Variants in SLIT1 observed in about 807,000 individuals in gnomAD.
SLIT1 encodes slit homolog 1 protein.
Under a neutral mutation model 186.1 loss-of-function variants are expected in SLIT1, and 66 were observed. That is an observed-to-expected ratio of 0.35 (90% CI 0.29 to 0.44). The LOEUF (loss-of-function observed/expected upper bound fraction) is 0.44, where lower values mean the gene tolerates loss of function less well. SLIT1 is among the 20% of genes least tolerant of loss of function. The pLI, the probability that SLIT1 is intolerant of heterozygous loss-of-function variation, is 1.00. For missense variants in SLIT1, 1,638 were observed against 2,037.4 expected, an observed-to-expected ratio of 0.80 and a Z score of 3.77; for synonymous variants, 761 against 833.8, an observed-to-expected ratio of 0.91 and a Z score of 1.50.
chr10:97,043,588 G>T lies in SLIT1; in HGVS notation c.1854-75C>A. 1 of 1,382,902 alleles carries T rather than the reference G, an allele frequency of 7.2e-7. No individual in the cohort carries two copies. The highest frequency in any genetic ancestry group is 1.0e-6 in the Non-Finnish European group (1 of 989,908). The allele number at this position is 1,382,902 out of a possible 1,614,324, so 85.7% of individuals were successfully genotyped here. A position where few individuals can be genotyped will look rare whatever the true frequency, so the allele number is the denominator to read the frequency against. On this transcript the variant is annotated intron_variant, in intron 18 of 36. Transcript: ENST00000266058. The surrounding 1 kb of genome is among the most constrained non-coding windows in gnomAD (Gnocchi z 7.0). ...CATCCACCTGGGCCACGCAGCTTCC[G>T]CCATCGTGGCTCGTTCACAGTTCTC...
intron 4 of SLIT1, among the ~76,000 whole-genome samples, chr10:97,138,050 T>A (rs1219995128): frequency 1.3e-5 from 2 of 152,224 alleles, no homozygotes; most frequent in Non-Finnish European, 2.9e-5. Flanking sequence ...CAGTTGATCC[T>A]TGAACAACAT....
intron 4 of SLIT1, among the ~76,000 whole-genome samples, chr10:97,085,146 A>G (rs948123558): frequency 4.6e-5 from 7 of 151,412 alleles, no homozygotes; most frequent in African/African-American, 1.2e-4. Context: ...GATGGTCTCA[A>G]TCTCCTGACC....
rs771685797 is a variant in SLIT1, at chr10:96,998,498, C to T, written c.*2614G>A. The T allele has an allele frequency of 6.6e-6, 1 of 152,226 alleles. No individual in the cohort carries two copies. Among genetic ancestry groups the T allele is most frequent in the Non-Finnish European group, 1.5e-5 (1 of 68,072 alleles). The allele number at this position is 152,226 out of a possible 1,614,324, so 9.4% of individuals were successfully genotyped here. A position where few individuals can be genotyped will look rare whatever the true frequency, so the allele number is the denominator to read the frequency against. On this transcript the variant is annotated 3_prime_UTR_variant, in exon 37 of 37. Transcript: ENST00000266058. ...CTTCATGCCTAAAATGCAGAGCGAACTAGGGGTCTTCACAAAGGGGGACAA... is the reference window on the plus strand; with the variant it reads ...CTTCATGCCTAAAATGCAGAGCGAATTAGGGGTCTTCACAAAGGGGGACAA...
intron 4 of SLIT1, among the ~76,000 whole-genome samples, chr10:97,123,048 C>T (rs952705835): frequency 1.6e-4 from 25 of 152,216 alleles, no homozygotes; most frequent in African/African-American, 5.5e-4. Flanking sequence ...TTCAAACACC[C>T]TTCAAAGAAC....
chr10:97,067,671 G>A (rs767173730), intron 4 of SLIT1, among the ~76,000 whole-genome samples: 1 of 152,156 alleles, frequency 6.6e-6, no homozygotes, highest in East Asian at 1.9e-4. Context: ...GCTGAGCTCT[G>A]AGATGTGAAG....
intron 4 of SLIT1, among the ~76,000 whole-genome samples, chr10:97,095,664 A>G (rs1477012502): frequency 6.6e-6 from 1 of 152,190 alleles, no homozygotes; most frequent in Non-Finnish European, 1.5e-5. Context: ...AAGAGAAGTA[A>G]CAGCTGCACT....
At position 97,043,348 on chromosome 10, in the gene SLIT1, C is replaced by A; in HGVS notation, c.1997+22G>T. On this transcript the variant is annotated intron_variant, in intron 19 of 36. Coordinates refer to ENST00000266058, the MANE Select transcript of SLIT1 (RefSeq NM_003061.3). This position sits in a 1 kb window ranked among gnomAD's most constrained non-coding sequence, Gnocchi z 7.0. Reference sequence around the variant, plus strand: ...CGGTTGCTCCAGAGCCCCCGCCCGCCTGTCCTGGAGGCCGGACTCACAGTG... The same window carrying A: ...CGGTTGCTCCAGAGCCCCCGCCCGCATGTCCTGGAGGCCGGACTCACAGTG... The A allele has an allele frequency of 6.2e-7, 1 of 1,612,792 alleles. No homozygotes were observed. The highest frequency in any genetic ancestry group is 8.5e-7 in the Non-Finnish European group (1 of 1,179,842).
chr10:97,147,029 G>A (rs1364025815), intron 4 of SLIT1, among the ~76,000 whole-genome samples: 3 of 152,062 alleles, frequency 2.0e-5, no homozygotes, highest in African/African-American at 7.2e-5. Flanking sequence ...GTAACCTACT[G>A]TCCATCAACA....
In SLIT1 at chr10:97,131,703, G is replaced by A. The variant is rs555760136; in HGVS notation, c.413+26115C>T. On this transcript the variant is annotated intron_variant, in intron 4 of 36. Transcript: ENST00000266058. The stretch of plus-strand genomic sequence containing the variant: ...CTCTTGTTTTATCTTAAATGTTCTA[G>A]CCAATTCTGCATTTTACTACTTAAT... Among the ~76,000 whole-genome samples the A allele has an allele frequency of 4.6e-5, 7 of 152,290 alleles. No homozygotes were observed. The East Asian group carries it at 1.2e-3, about 25-fold the overall frequency.
chr10:97,076,077 G>T (rs1312265594), intron 4 of SLIT1, among the ~76,000 whole-genome samples: 1 of 152,178 alleles, frequency 6.6e-6, no homozygotes, highest in Non-Finnish European at 1.5e-5. Context: ...CAGGGCTGGT[G>T]GGGGGCAGGG....
chr10:97,163,578 C>T lies in SLIT1; in HGVS notation c.270-127G>A, dbSNP rs1047667917. The T allele has an allele frequency of 7.7e-6, 6 of 780,352 alleles. No homozygotes were observed. In the African/African-American group the frequency reaches 1.0e-4, roughly 13 times the overall value. 48.3% of individuals were successfully genotyped at this position (780,352 alleles called of 1,614,324 possible). A position where few individuals can be genotyped will look rare whatever the true frequency, so the allele number is the denominator to read the frequency against. On this transcript the variant is annotated intron_variant, in intron 2 of 36. Transcript: ENST00000266058. ...CATTAGCAAGGGAGTAAGACAGGAG[C>T]CATGCCCAAGCCTCACACAGGCCTA...
intron 4 of SLIT1, among the ~76,000 whole-genome samples, chr10:97,126,788 C>A (rs1403138878): frequency 6.6e-6 from 1 of 152,164 alleles, no homozygotes; most frequent in Non-Finnish European, 1.5e-5. Flanking sequence ...GAAGAACTTT[C>A]CAGAGGAAGC....
At chr10:97,008,556 C>T (rs1279930129) in intron 31 of SLIT1, among the ~76,000 whole-genome samples, 2 of 152,008 alleles carry the variant, frequency 1.3e-5, no homozygotes, top group Admixed American at 1.3e-4. Flanking sequence ...ATTAGCCAGG[C>T]GTGGTGGCAC....
intron 1 of SLIT1, among the ~76,000 whole-genome samples, chr10:97,168,882 T>C (rs1476677579): frequency 6.6e-6 from 1 of 152,186 alleles, no homozygotes; most frequent in African/African-American, 2.4e-5. Flanking sequence ...CACTGACTTA[T>C]CTGAACAAGG....
At chr10:97,072,224 T>C (rs780791127) in intron 4 of SLIT1, among the ~76,000 whole-genome samples, 1 of 152,240 alleles carries the variant, frequency 6.6e-6, no homozygotes, top group African/African-American at 2.4e-5. Flanking sequence ...AGTCACTCAA[T>C]CACAGCTCAC....
At chr10:97,110,814 C>T (rs564638281) in intron 4 of SLIT1, among the ~76,000 whole-genome samples, 3 of 152,200 alleles carry the variant, frequency 2.0e-5, no homozygotes, top group Non-Finnish European at 4.4e-5. Context: ...CATGGATACT[C>T]ATTTTATTAT....
At chr10:97,118,250 G>A (rs1451305824) in intron 4 of SLIT1, among the ~76,000 whole-genome samples, 1 of 152,152 alleles carries the variant, frequency 6.6e-6, no homozygotes, top group East Asian at 1.9e-4. Flanking sequence ...AAGGTGACAC[G>A]AGCAGCCCGA....
In SLIT1 at chr10:97,047,631, C is replaced by A; in HGVS notation, c.1634+59G>T. 2.6e-6 allele frequency: 4 copies of A among 1,522,324 alleles called. No individual in the cohort carries two copies. The Admixed American group carries it at 6.8e-5, about 26-fold the overall frequency. The allele number at this position is 1,522,324 out of a possible 1,614,324, so 94.3% of individuals were successfully genotyped here. On this transcript the variant is annotated intron_variant, in intron 16 of 36. Coordinates refer to ENST00000266058, the MANE Select transcript of SLIT1 (RefSeq NM_003061.3). ...GGACCAAGAAAATCCTGGAGTAGGC[C>A]AAGGAGGGTTAGTGGCAGTTAGGGA...
chr10:97,057,222 G>T lies in SLIT1; in HGVS notation c.1145C>A (p.Thr382Asn). Residue 382 changes from threonine (T) to asparagine (N), a missense_variant, in exon 12 of 37, where the codon ACC becomes AAC. Thr to Asn is a moderately conservative substitution (Grantham distance 65, BLOSUM62 0). Around this residue, in one of 3 missense-constraint regions of SLIT1, gnomAD observed 1,245 missense variants for 1,535.3 expected, o/e 0.81. Coordinates refer to ENST00000266058, the MANE Select transcript of SLIT1 (RefSeq NM_003061.3). ...GATTCGTTCTTACAGGAGCTGTAGGGTGTATAGGCCTCCAAACACACCACG... is the reference window on the plus strand; with the variant it reads ...GATTCGTTCTTACAGGAGCTGTAGGTTGTATAGGCCTCCAAACACACCACG... ...LPRGVFGGLY[T>N]LQLLLLNANK... 6.2e-7 allele frequency: 1 copy of T among 1,613,828 alleles called. No individual in the cohort carries two copies. The highest frequency in any genetic ancestry group is 8.5e-7 in the Non-Finnish European group (1 of 1,179,788).
Sources: allele counts gnomAD v4.1 joint callset (sites outside exome capture counted in the v4.1 genomes callset), GRCh38; gene constraint gnomAD v4.1.1; regional missense constraint gnomAD v4.1.1; non-coding constraint Gnocchi (gnomAD v3.1); transcripts MANE v1.5; gene names NCBI Gene and HGNC (gene_info 2026-07-23, HGNC 2026-07-21).